The following DEFB118 variants were observed in gnomAD, a reference collection of about 807,000 sequenced individuals.
DEFB118 encodes the protein defensin beta 118, also known as defensin, beta 18.
In DEFB118, 3 loss-of-function variants were observed where a neutral mutation model predicts 2.8. The observed-to-expected ratio is 1.09, with a 90% CI of 0.50 to 2.82. DEFB118 has a LOEUF of 2.82. Ranked by LOEUF, DEFB118 falls within the 30% of genes most tolerant of loss-of-function variation. The pLI is 0.04. For synonymous variants in DEFB118, 63 were observed against 53.5 expected (o/e 1.18, Z -0.78); for missense variants, 159 against 144.6 (o/e 1.10, Z -0.51).
Position 31,372,969 on chromosome 20 carries a change from A to C in DEFB118, c.171A>C (p.Pro57=), listed in dbSNP as rs369832116. The C allele has an allele frequency of 6.2e-7, 1 of 1,614,226 alleles. No homozygotes were observed. The highest frequency in any genetic ancestry group is 1.1e-5 in the South Asian group (1 of 91,084). Residue 57 remains proline (P), a synonymous_variant, in exon 2 of 2, where the codon CCA becomes CCC. Transcript: ENST00000253381. ...AAAATCTTCGAGCTTGCTGCATTCC[A>C]TCCAATGAAGACCACAGGCGAGTTC... ...TCKNLRACCI[P]SNEDHRRVPA... is the part of the protein sequence containing the mutation.
chr20:31,372,766 T>C, intron 1 of DEFB118, 91 bp from the exon 2 acceptor site: 1 of 974,790 alleles, frequency 1.0e-6, no homozygotes, highest in Non-Finnish European at 1.5e-6. Flanking sequence ...TGATCCACAG[T>C]GTGGATATAG....
At chr20:31,370,413 G>C (rs1190645496) in intron 1 of DEFB118, among the ~76,000 whole-genome samples, 2 of 152,152 alleles carry the variant, frequency 1.3e-5, no homozygotes. Context: ...GAAAGATTTT[G>C]TACATGAAAT....
At chr20:31,370,518 C>T (rs1310626791) in intron 1 of DEFB118, among the ~76,000 whole-genome samples, 1 of 152,100 alleles carries the variant, frequency 6.6e-6, no homozygotes, top group Non-Finnish European at 1.5e-5. Context: ...AAATTGGAGC[C>T]ATCCTCTTGG....
intron 1 of DEFB118, 33 bp downstream of exon 1, chr20:31,368,741 AG>A: frequency 6.2e-7 from 1 of 1,601,320 alleles, no homozygotes; most frequent in East Asian, 2.2e-5. Context: ...ACAAAAATAG[AG>A]GTATAGTGGG....
At chr20:31,371,645 A>G (rs759008358) in intron 1 of DEFB118, among the ~76,000 whole-genome samples, 1 of 151,602 alleles carries the variant, frequency 6.6e-6, no homozygotes, top group Admixed American at 6.6e-5. Context: ...TAATTTTTGT[A>G]TTTTTGGACA....
intron 1 of DEFB118, among the ~76,000 whole-genome samples, chr20:31,371,478 T>A (rs950615162): frequency 9.5e-5 from 14 of 147,798 alleles, no homozygotes; most frequent in Admixed American, 2.0e-4. Flanking sequence ...TCTTTTTCTT[T>A]TTTTTCTTTT....
Position 31,373,245 on chromosome 20 carries a change from AC to A in DEFB118, c.*77del. On this transcript the variant is annotated 3_prime_UTR_variant, in exon 2 of 2. Transcript: ENST00000253381. The stretch of plus-strand genomic sequence containing the variant: ...CACATACAGATAAAGCACTGAAAAC[AC>A]CACAGTGACCCTCCCACCCCCCACC... The A allele has an allele frequency of 7.6e-7, 1 of 1,314,554 alleles. No individual in the cohort carries two copies. The highest frequency in any genetic ancestry group is 1.1e-6 in the Non-Finnish European group (1 of 949,714). The allele number at this position is 1,314,554 out of a possible 1,614,324, so 81.4% of individuals were successfully genotyped here. A position where few individuals can be genotyped will look rare whatever the true frequency, so the allele number is the denominator to read the frequency against.
Position 31,372,947 on chromosome 20 carries a change from A to G in DEFB118, c.149A>G (p.Asn50Ser), listed in dbSNP as rs1298575329. Residue 50 changes from asparagine (N) to serine (S), a missense_variant, in exon 2 of 2, where the codon AAT (asparagine) becomes AGT (serine). Asn to Ser is a conservative substitution (Grantham distance 46). Transcript: ENST00000253381. ...GAAGCAGTGAAAGATACATGCAAAA[A>G]TCTTCGAGCTTGCTGCATTCCATCC... is the stretch of plus-strand genomic sequence containing the variant. ...DGEAVKDTCK[N>S]LRACCIPSNE... 3.7e-6 allele frequency: 6 copies of G among 1,614,092 alleles called. No individual in the cohort carries two copies. Among genetic ancestry groups the G allele is most frequent in the Non-Finnish European group, 5.1e-6 (6 of 1,180,046 alleles).
intron 1 of DEFB118, among the ~76,000 whole-genome samples, chr20:31,370,654 C>G (rs1568724772): frequency 6.6e-6 from 1 of 152,198 alleles, no homozygotes. Context: ...TCCCTACCCT[C>G]TCACCGAAAA....
In DEFB118 at chr20:31,372,479, G is replaced by T. The variant is rs377592712; in HGVS notation, c.59-378G>T. Among the ~76,000 whole-genome samples, 10 of 152,234 alleles carry T rather than the reference G, an allele frequency of 6.6e-5. No individual in the cohort carries two copies. In the South Asian group the frequency reaches 2.1e-3, roughly 32 times the overall value. ...CAAGAGAATCGCTTGAACCAGGGAG[G>T]CGGAGGTTGCAGTGAGCTGAGATCA... On this transcript the variant is annotated intron_variant, in intron 1 of 1. Transcript: ENST00000253381.
chr20:31,373,485 C>A lies in DEFB118; in HGVS notation c.*315C>A. ...AACAACAATTTCTTCATGTATCGTT[C>A]TGTCTTCTCAACAGCTGTCTTCATG... is the stretch of plus-strand genomic sequence containing the variant. On this transcript the variant is annotated 3_prime_UTR_variant, in exon 2 of 2. Transcript: ENST00000253381. 1 of 321,606 alleles carries A rather than the reference C, an allele frequency of 3.1e-6. No individual in the cohort carries two copies. The highest frequency in any genetic ancestry group is 5.7e-6 in the Non-Finnish European group (1 of 174,214). 19.9% of individuals were successfully genotyped at this position (321,606 alleles called of 1,614,324 possible).
chr20:31,373,745 C>T lies in DEFB118; in HGVS notation c.*575C>T, dbSNP rs905189894. On this transcript the variant is annotated 3_prime_UTR_variant, in exon 2 of 2. Coordinates refer to ENST00000253381, the MANE Select transcript of DEFB118 (RefSeq NM_054112.3). ...AGTGGCTTTGGGGTTGAAATGCTGT[C>T]GAAAAGCTTTTATGGCTCTGTAGAC... 1.9e-5 allele frequency: 3 copies of T among 154,142 alleles called. No homozygotes were observed. The highest frequency in any genetic ancestry group is 1.9e-4 in the East Asian group (1 of 5,204). 9.5% of individuals were successfully genotyped at this position (154,142 alleles called of 1,614,324 possible).
At chr20:31,369,653 G>A (rs1019002984) in intron 1 of DEFB118, among the ~76,000 whole-genome samples, 9 of 152,020 alleles carry the variant, frequency 5.9e-5, no homozygotes, top group African/African-American at 2.2e-4. Flanking sequence ...GTCTCCCAAA[G>A]TGCTGGGATT....
chr20:31,369,385 G>GTTTTTTTT (rs71185357), intron 1 of DEFB118, among the ~76,000 whole-genome samples: 4 of 103,912 alleles, frequency 3.8e-5, no homozygotes, highest in African/African-American at 7.7e-5. Context: ...GCACTCTTGT[G>GTTTTTTTT]TTTTTTTTTT....
At position 31,373,737 on chromosome 20, in the gene DEFB118, A is replaced by T. The variant is rs1361113265; in HGVS notation, c.*567A>T. Reference sequence around the variant, plus strand: ...TTTGCCCCAGTGGCTTTGGGGTTGAAATGCTGTCGAAAAGCTTTTATGGCT... The same window carrying T: ...TTTGCCCCAGTGGCTTTGGGGTTGATATGCTGTCGAAAAGCTTTTATGGCT... On this transcript the variant is annotated 3_prime_UTR_variant, in exon 2 of 2. Transcript: ENST00000253381. The T allele has an allele frequency of 1.3e-5, 2 of 154,496 alleles. No individual in the cohort carries two copies. The highest frequency in any genetic ancestry group is 4.8e-5 in the African/African-American group (2 of 41,402). The allele number at this position is 154,496 out of a possible 1,614,324, so 9.6% of individuals were successfully genotyped here.
intron 1 of DEFB118, among the ~76,000 whole-genome samples, chr20:31,370,580 A>T (rs1986195715): frequency 6.6e-6 from 1 of 152,228 alleles, no homozygotes; most frequent in Non-Finnish European, 1.5e-5. Flanking sequence ...GCTTTATCTT[A>T]AAAAGCCCCT....
intron 1 of DEFB118, 59 bp from the exon 2 acceptor site, chr20:31,372,798 C>A: frequency 7.5e-7 from 1 of 1,325,804 alleles, no homozygotes; most frequent in Non-Finnish European, 1.1e-6. Flanking sequence ...TACAGTCATG[C>A]TAGTGAAATT....
At chr20:31,371,173 T>C (rs902878119) in intron 1 of DEFB118, among the ~76,000 whole-genome samples, 1 of 152,164 alleles carries the variant, frequency 6.6e-6, no homozygotes, top group African/African-American at 2.4e-5. Flanking sequence ...ATAACTACCT[T>C]ATTGTTTTTC....
chr20:31,373,756 T>C lies in DEFB118; in HGVS notation c.*586T>C, dbSNP rs1986256460. On this transcript the variant is annotated 3_prime_UTR_variant, in exon 2 of 2. Transcript: ENST00000253381. ...GGTTGAAATGCTGTCGAAAAGCTTT[T>C]ATGGCTCTGTAGACCCATCTTTTTG... 6.5e-6 allele frequency: 1 copy of C among 154,556 alleles called. No individual in the cohort carries two copies. The highest frequency in any genetic ancestry group is 2.0e-4 in the South Asian group (1 of 4,992). The allele number at this position is 154,556 out of a possible 1,614,324, so 9.6% of individuals were successfully genotyped here.
Sources: allele counts gnomAD v4.1 joint callset (sites outside exome capture counted in the v4.1 genomes callset), GRCh38; gene constraint gnomAD v4.1.1; transcripts MANE v1.5; gene names NCBI Gene and HGNC (gene_info 2026-07-23, HGNC 2026-07-21).